OR4C6: variants seen among roughly 807,000 people sequenced by gnomAD.
The protein encoded by OR4C6 is olfactory receptor 4C6.
OR4C6 carries 20 observed loss-of-function variants against 13.9 expected under a neutral mutation model. The ratio of observed to expected loss-of-function variants is 1.43; its 90% CI spans 1.01 to 2.08. The LOEUF is 2.08. OR4C6 is among the 30% of genes most tolerant of loss of function. The pLI is 0.00. For missense variants in OR4C6, 555 were observed against 381.2 expected, an observed-to-expected ratio of 1.46 and a Z score of -3.80; for synonymous variants, 193 against 141.5, an observed-to-expected ratio of 1.36 and a Z score of -2.58.
Position 55,664,171 on chromosome 11 carries a change from C to G in OR4C6, c.-42-954C>G, listed in dbSNP as rs953054962. Among the ~76,000 whole-genome samples, 28 of 152,014 alleles carry G rather than the reference C, an allele frequency of 1.8e-4. 1 individual carries two copies. The highest frequency in any genetic ancestry group is 6.8e-4 in the African/African-American group (28 of 41,290). On this transcript the variant is annotated intron_variant, in intron 1 of 1. Coordinates refer to ENST00000314259, the MANE Select transcript of OR4C6 (RefSeq NM_001004704.2). ...TTTACGATGGGAGTAGTATAGGTAC[C>G]TACCTCATGTGGTATCATGAGGTTT...
rs775617897 is a variant in OR4C6, at chr11:55,665,394, C to A, written c.228C>A (p.Ala76=). 32 of 1,613,626 alleles carry A rather than the reference C, an allele frequency of 2.0e-5. No homozygotes were observed. The highest frequency in any genetic ancestry group is 2.6e-5 in the Non-Finnish European group (31 of 1,179,848). ...LLDVMFSSVV[A]PKVIVDTLSK... ...ATGTCATGTTCTCATCTGTCGTTGC[C>A]CCCAAGGTGATTGTAGACACCCTCT... The change falls in exon 2 of 2, where the codon GCC becomes GCA. Residue 76 remains alanine (A), a synonymous_variant. Coordinates refer to ENST00000314259, the MANE Select transcript of OR4C6 (RefSeq NM_001004704.2).
In OR4C6 at chr11:55,663,666, C is replaced by T. The variant is rs1011623389; in HGVS notation, c.-43+1418C>T. Among the ~76,000 whole-genome samples the T allele has an allele frequency of 6.5e-5, 9 of 137,824 alleles. 2 individuals are homozygous for T. The highest frequency in any genetic ancestry group is 2.3e-4 in the African/African-American group (9 of 39,478). The allele number at this position is 137,824 out of a possible 152,430, so 90.4% of individuals were successfully genotyped here. A position where few individuals can be genotyped will look rare whatever the true frequency, so the allele number is the denominator to read the frequency against. ...AAAATCTACTTGTCATTTATTGACT[C>T]CCAAGCCAGCGTTCCTTTAACTTCA... On this transcript the variant is annotated intron_variant, in intron 1 of 1. Coordinates refer to ENST00000314259, the MANE Select transcript of OR4C6 (RefSeq NM_001004704.2).
intron 1 of OR4C6, among the ~76,000 whole-genome samples, chr11:55,664,863 A>G (rs1428670360): frequency 1.3e-5 from 2 of 152,076 alleles, no homozygotes; most frequent in South Asian, 4.1e-4. Flanking sequence ...ATCTATTAAT[A>G]ATAACTATTA....
intron 1 of OR4C6, 88 bp from the exon 2 acceptor site, chr11:55,665,037 G>T: frequency 1.6e-6 from 1 of 629,208 alleles, no homozygotes; most frequent in Non-Finnish European, 2.8e-6. Context: ...GAATACATGG[G>T]TAAAAACAAA....
At position 55,663,341 on chromosome 11, in the gene OR4C6, C is replaced by T. The variant is rs1470981083; in HGVS notation, c.-43+1093C>T. ...CAGTTGGAAAAGTTCAATTCTGTTC[C>T]GTATCAACACAGGGTCATACTAGGT... On this transcript the variant is annotated intron_variant, in intron 1 of 1. Transcript: ENST00000314259. Among the ~76,000 whole-genome samples the T allele has an allele frequency of 2.2e-5, 3 of 137,702 alleles. 1 individual carries two copies. The highest frequency in any genetic ancestry group is 4.8e-4 in the South Asian group (2 of 4,206). 90.3% of individuals were successfully genotyped at this position (137,702 alleles called of 152,430 possible).
intron 1 of OR4C6, 35 bp from the exon 2 acceptor site, chr11:55,665,090 A>T: frequency 1.1e-6 from 1 of 908,246 alleles, no homozygotes; most frequent in Non-Finnish European, 1.7e-6. Context: ...AAGCCAAATT[A>T]GTCACTAATT....
At position 55,666,025 on chromosome 11, in the gene OR4C6, C is replaced by A. The variant is rs1429288691; in HGVS notation, c.859C>A (p.Leu287Met). 6.2e-7 allele frequency: 1 copy of A among 1,613,790 alleles called. No individual in the cohort carries two copies. Among genetic ancestry groups the A allele is most frequent in the Non-Finnish European group, 8.5e-7 (1 of 1,179,866 alleles). The change falls in exon 2 of 2, where the codon CTG becomes ATG. Residue 287 changes from leucine (L) to methionine (M), a missense_variant. Physicochemically the swap from Leu to Met is conservative, Grantham distance 15. Coordinates refer to ENST00000314259, the MANE Select transcript of OR4C6 (RefSeq NM_001004704.2). ...CATGTTAAATCCCTTGATCTATACA[C>A]TGAGGAATGCAGAGGTGAAAAGTGC... The part of the protein sequence containing the change: ...TPMLNPLIYT[L>M]RNAEVKSAMK...
rs1272777112 is a variant in OR4C6 at position 55,665,779 on chromosome 11, T to C, written c.613T>C (p.Cys205Arg). The change falls in exon 2 of 2, where the codon TGT becomes CGT. Residue 205 changes from cysteine (C) to arginine (R), a missense_variant. By Grantham distance (180) the Cys-to-Arg change is radical (BLOSUM62 -3). Coordinates refer to ENST00000314259, the MANE Select transcript of OR4C6 (RefSeq NM_001004704.2). ...LLVTLNSGMM[C>R]VAIFLILIAS... ...AGTTACCCTCAACAGTGGGATGATG[T>C]GTGTGGCCATCTTTCTTATCTTAAT... 1 of 1,613,810 alleles carries C rather than the reference T, an allele frequency of 6.2e-7. No homozygotes were observed. Among genetic ancestry groups the C allele is most frequent in the African/African-American group, 1.3e-5 (1 of 74,752 alleles).
chr11:55,663,659 A>G (rs1427313613), intron 1 of OR4C6, among the ~76,000 whole-genome samples: 1 of 138,148 alleles, frequency 7.2e-6, no homozygotes, highest in African/African-American at 2.5e-5. Context: ...CTTGTCATTT[A>G]TTGACTCCCA....
At position 55,665,977 on chromosome 11, in the gene OR4C6, G is replaced by A. The variant is rs1449886318; in HGVS notation, c.811G>A (p.Val271Met). 6.2e-7 allele frequency: 1 copy of A among 1,613,456 alleles called. No individual in the cohort carries two copies. Among genetic ancestry groups the A allele is most frequent in the South Asian group, 1.1e-5 (1 of 91,080 alleles). ...VTHPIDKAMA[V>M]SDSIITPMLN... Reference sequence around the variant, plus strand: ...TCACCCCATAGACAAGGCAATGGCTGTGTCAGACTCAATCATCACACCCAT... The same window carrying A: ...TCACCCCATAGACAAGGCAATGGCTATGTCAGACTCAATCATCACACCCAT... Residue 271 changes from valine (V) to methionine (M), a missense_variant, in exon 2 of 2, where the codon GTG becomes ATG. Coordinates refer to ENST00000314259, the MANE Select transcript of OR4C6 (RefSeq NM_001004704.2).
rs755348905 is a variant in OR4C6, at chr11:55,665,916, C to T, written c.750C>T (p.Val250=). 2.5e-6 allele frequency: 4 copies of T among 1,613,892 alleles called. No homozygotes were observed. The highest frequency in any genetic ancestry group is 1.1e-5 in the South Asian group (1 of 91,078). Residue 250 remains valine (V), a synonymous_variant, in exon 2 of 2, where the codon GTC becomes GTT. Transcript: ENST00000314259. ...SHLTVVVLFF[V]PCIFLYMRPV... is the part of the protein sequence containing the mutation. Reference sequence around the variant, plus strand: ...TCACGGTGGTTGTATTGTTCTTTGTCCCCTGTATTTTCTTGTACATGAGGC... The same window carrying T: ...TCACGGTGGTTGTATTGTTCTTTGTTCCCTGTATTTTCTTGTACATGAGGC...
chr11:55,665,204 T>G lies in OR4C6; in HGVS notation c.38T>G (p.Leu13Arg), dbSNP rs1310146123. The G allele has an allele frequency of 6.2e-7, 1 of 1,612,986 alleles. No individual in the cohort carries two copies. The highest frequency in any genetic ancestry group is 1.1e-5 in the South Asian group (1 of 90,984). The change falls in exon 2 of 2, where the codon CTG (leucine) becomes CGG (arginine). Residue 13 changes from leucine (L) to arginine (R), a missense_variant. Physicochemically the swap from Leu to Arg is moderately radical, Grantham distance 102. Transcript: ENST00000314259. ...NQNNVTEFIL[L>R]GLTENLELWK... ...AACAATGTGACTGAATTCATTCTTCTGGGTCTCACAGAGAACCTGGAGCTG... is the reference window on the plus strand; with the variant it reads ...AACAATGTGACTGAATTCATTCTTCGGGGTCTCACAGAGAACCTGGAGCTG...
In OR4C6 at chr11:55,665,855, G is replaced by C. The variant is rs1423038214; in HGVS notation, c.689G>C (p.Gly230Ala). ...LCSLKSYSSK[G>A]RHKALSTCSS... ...TCCCTGAAGTCTTACAGCTCTAAAG[G>C]GCGGCACAAAGCCCTCTCTACCTGC... The change falls in exon 2 of 2, where the codon GGG becomes GCG. Residue 230 changes from glycine to alanine, a missense_variant. Transcript: ENST00000314259. The C allele has an allele frequency of 4.3e-6, 7 of 1,613,762 alleles. No homozygotes were observed. The Admixed American group carries it at 1.2e-4, about 27-fold the overall frequency.
At chr11:55,663,447 C>G (rs1405356187) in intron 1 of OR4C6, among the ~76,000 whole-genome samples, 1 of 137,818 alleles carries the variant, frequency 7.3e-6, no homozygotes, top group Non-Finnish European at 1.6e-5. Context: ...AACAACCCCT[C>G]TAAGGAAATC....
In OR4C6 at chr11:55,665,248, G is replaced by A. The variant is rs1237065523; in HGVS notation, c.82G>A (p.Val28Met). Residue 28 changes from valine to methionine, a missense_variant, in exon 2 of 2, where the codon GTG becomes ATG. Physicochemically the swap from Val to Met is conservative, Grantham distance 21. Transcript: ENST00000314259. Reference sequence around the variant, plus strand: ...GGAGCTGTGGAAAATATTTTCTGCTGTGTTTCTTGTCATGTATGTAGCCAC... The same window carrying A: ...GGAGCTGTGGAAAATATTTTCTGCTATGTTTCTTGTCATGTATGTAGCCAC... ...NLELWKIFSA[V>M]FLVMYVATVL... The A allele has an allele frequency of 3.1e-6, 5 of 1,612,552 alleles. No individual in the cohort carries two copies. The highest frequency in any genetic ancestry group is 3.3e-5 in the Admixed American group (2 of 59,962).
At chr11:55,664,860 A>G (rs547501660) in intron 1 of OR4C6, among the ~76,000 whole-genome samples, 1 of 152,230 alleles carries the variant, frequency 6.6e-6, no homozygotes, top group East Asian at 1.9e-4. Context: ...GTTATCTATT[A>G]ATAATAACTA....
Position 55,665,209 on chromosome 11 carries a change from C to G in OR4C6, c.43C>G (p.Leu15Val), listed in dbSNP as rs375966156. ...TGTGACTGAATTCATTCTTCTGGGT[C>G]TCACAGAGAACCTGGAGCTGTGGAA... ...NNVTEFILLG[L>V]TENLELWKIF... The change falls in exon 2 of 2, where the codon CTC becomes GTC. Residue 15 changes from leucine to valine, a missense_variant. Transcript: ENST00000314259. 6 of 1,613,024 alleles carry G rather than the reference C, an allele frequency of 3.7e-6. No individual in the cohort carries two copies. The highest frequency in any genetic ancestry group is 5.1e-6 in the Non-Finnish European group (6 of 1,179,380).
rs1284654292 is a variant in OR4C6 at position 55,662,818 on chromosome 11, G to A, written c.-43+570G>A. 2.9e-5 allele frequency among the ~76,000 whole-genome samples: 4 copies of A among 138,544 alleles called. 1 individual carries two copies. Among genetic ancestry groups the A allele is most frequent in the African/African-American group, 1.0e-4 (4 of 39,720 alleles). The allele number at this position is 138,544 out of a possible 152,430, so 90.9% of individuals were successfully genotyped here. ...GTGAGCCATCAGGTGAAAATACTGG[G>A]GCGCTGTGAGGCAAAGGAGTTGGTA... is the stretch of plus-strand genomic sequence containing the variant. On this transcript the variant is annotated intron_variant, in intron 1 of 1. Transcript: ENST00000314259.
Position 55,665,716 on chromosome 11 carries a change from A to T in OR4C6, c.550A>T (p.Thr184Ser), listed in dbSNP as rs1434440273. ...HFICDLFQLL[T>S]LACTDTHILG... ...TATATGTGATTTGTTTCAGTTGTTG[A>T]CACTTGCCTGCACGGACACCCACAT... Residue 184 changes from threonine to serine, a missense_variant, in exon 2 of 2, where the codon ACA (threonine) becomes TCA (serine). Transcript: ENST00000314259. 6.2e-7 allele frequency: 1 copy of T among 1,613,850 alleles called. No homozygotes were observed. Among genetic ancestry groups the T allele is most frequent in the Middle Eastern group, 1.7e-4 (1 of 6,060 alleles).
Sources: allele counts gnomAD v4.1 joint callset (sites outside exome capture counted in the v4.1 genomes callset), GRCh38; gene constraint gnomAD v4.1.1; transcripts MANE v1.5; gene names NCBI Gene and HGNC (gene_info 2026-07-23, HGNC 2026-07-21).